The following CLSTN3 variants were observed in gnomAD, a reference collection of about 807,000 sequenced individuals.
CLSTN3 encodes the protein calsyntenin-3.
In CLSTN3, 36 loss-of-function variants were observed where a neutral mutation model predicts 95.9. The observed-to-expected ratio is 0.38, with a 90% CI of 0.29 to 0.50. The LOEUF (loss-of-function observed/expected upper bound fraction) is 0.50. Ranked by LOEUF, CLSTN3 falls within the 20% of genes least tolerant of loss-of-function variation. The probability of loss-of-function intolerance (pLI) is 0.95; values close to 1 mark genes in which losing one functional copy is unlikely to be tolerated. For missense variants in CLSTN3, 1,084 were observed against 1,268.8 expected, an observed-to-expected ratio of 0.85 and a Z score of 2.21; for synonymous variants, 481 against 504.0, an observed-to-expected ratio of 0.95 and a Z score of 0.61.
At chr12:7,146,929 G>A (rs1053980189) in intron 12 of CLSTN3, among the ~76,000 whole-genome samples, 2 of 152,148 alleles carry the variant, frequency 1.3e-5, no homozygotes, top group Non-Finnish European at 1.5e-5. Context: ...GCCCTGCTCC[G>A]TGTGGTACAG....
In CLSTN3 at chr12:7,146,947, G is replaced by A. The variant is rs755333090; in HGVS notation, c.1848-2025G>A. 2.0e-5 allele frequency among the ~76,000 whole-genome samples: 3 copies of A among 152,288 alleles called. No homozygotes were observed. In the East Asian group the frequency reaches 5.8e-4, roughly 29 times the overall value. On this transcript the variant is annotated intron_variant, in intron 12 of 17. Transcript: ENST00000266546. ...CTGCTCCGTGTGGTACAGGAACTCA[G>A]CACATCCCGGGCATTGGCAACTTCA...
Position 7,130,416 on chromosome 12 carries a change from C to G in CLSTN3, c.-233C>G. 1.4e-6 allele frequency: 2 copies of G among 1,445,728 alleles called. No individual in the cohort carries two copies. The highest frequency in any genetic ancestry group is 2.5e-5 in the East Asian group (1 of 39,544). 89.6% of individuals were successfully genotyped at this position (1,445,728 alleles called of 1,614,324 possible). A position where few individuals can be genotyped will look rare whatever the true frequency, so the allele number is the denominator to read the frequency against. On this transcript the variant is annotated 5_prime_UTR_variant, in exon 1 of 18. Coordinates refer to ENST00000266546, the MANE Select transcript of CLSTN3 (RefSeq NM_014718.4). The stretch of plus-strand genomic sequence containing the variant: ...GGGTGGGAGTGAGAGAGTGAGGACG[C>G]TGGGCTGGGGGAAACGGGAAGCCGC...
At chr12:7,142,772 T>C (rs1336565784) in intron 10 of CLSTN3, 97 bp from the exon 11 acceptor site, 1 of 1,010,314 alleles carries the variant, frequency 9.9e-7, no homozygotes, top group East Asian at 3.0e-5. Flanking sequence ...TTCTCAACTC[T>C]TCTGCTCTTT....
chr12:7,154,163 C>T (rs1939778263), intron 16 of CLSTN3, among the ~76,000 whole-genome samples: 2 of 152,226 alleles, frequency 1.3e-5, no homozygotes, highest in African/African-American at 4.8e-5. Context: ...AAAACCCTTT[C>T]CATATGCCTT....
rs766986566 is a variant in CLSTN3, at chr12:7,138,027, A to C, written c.1283A>C (p.Glu428Ala). 1.8e-4 allele frequency: 288 copies of C among 1,613,744 alleles called. 3 individuals are homozygous for C. In the South Asian group the frequency reaches 3.0e-3, roughly 17 times the overall value. The change falls in exon 8 of 18, where the codon GAG becomes GCG. Residue 428 changes from glutamate to alanine, a missense_variant. Transcript: ENST00000266546. ...GCCTTCCTCTACTGGCCCCTGCTTG[A>C]GAGTGCCCGCCCAGTCAAGTTCCTC... ...RIAFLYWPLL[E>A]SARPVKFLWK... is the part of the protein sequence containing the mutation.
rs781524045 is a variant in CLSTN3 at position 7,142,860 on chromosome 12, C to T, written c.1541-9C>T. 4 of 1,613,504 alleles carry T rather than the reference C, an allele frequency of 2.5e-6. No homozygotes were observed. In the African/African-American group the frequency reaches 4.0e-5, roughly 16 times the overall value. On this transcript the variant is annotated splice_polypyrimidine_tract_variant and intron_variant, in intron 10 of 17. Transcript: ENST00000266546. ...CACCTCCCGTCCTGCTCCTGTGTTC[C>T]TACCCTAGGAGACCCTTTGTCGATC... is the stretch of plus-strand genomic sequence containing the variant.
At chr12:7,144,785 A>G (rs1221713030) in intron 12 of CLSTN3, among the ~76,000 whole-genome samples, 1 of 152,092 alleles carries the variant, frequency 6.6e-6, no homozygotes, top group African/African-American at 2.4e-5. Context: ...TCTGAGCCCT[A>G]GAGGGTGACT....
Position 7,157,236 on chromosome 12 carries a change from T to C in CLSTN3, c.2528-253T>C, listed in dbSNP as rs1939833356. Among the ~76,000 whole-genome samples the C allele has an allele frequency of 6.6e-6, 1 of 152,176 alleles. No homozygotes were observed. The highest frequency in any genetic ancestry group is 2.1e-4 in the South Asian group (1 of 4,832). On this transcript the variant is annotated intron_variant, in intron 16 of 17. Coordinates refer to ENST00000266546, the MANE Select transcript of CLSTN3 (RefSeq NM_014718.4). This position sits in a 1 kb window ranked among gnomAD's most constrained non-coding sequence, Gnocchi z 5.9. ...CTTTTTCCTCCTCTGCCCTTGCCTC[T>C]CTGTACACCTGCCTCCCTCTGTGTT...
At chr12:7,143,101 C>G in intron 11 of CLSTN3, 62 bp from the exon 12 acceptor site, 1 of 1,598,454 alleles carries the variant, frequency 6.3e-7, no homozygotes, top group Non-Finnish European at 8.5e-7. Context: ...CCCTCTACCT[C>G]TGCTCCCTTC....
At position 7,136,951 on chromosome 12, in the gene CLSTN3, G is replaced by C; in HGVS notation, c.1051G>C (p.Ala351Pro). 6.2e-7 allele frequency: 1 copy of C among 1,614,192 alleles called. No homozygotes were observed. The highest frequency in any genetic ancestry group is 8.5e-7 in the Non-Finnish European group (1 of 1,180,024). Residue 351 changes from alanine to proline, a missense_variant, in exon 7 of 18, where the codon GCT becomes CCT. By Grantham distance (27) the Ala-to-Pro change is conservative (BLOSUM62 -1). Coordinates refer to ENST00000266546, the MANE Select transcript of CLSTN3 (RefSeq NM_014718.4). ...GATCTACTGGTTCAATGGCACCCAG[G>C]CTGTGCAGGTGCCCCTGGGTGGCCC... ...SLIYWFNGTQAVQVPLGGPSG... is the reference protein window; with the variant it reads ...SLIYWFNGTQPVQVPLGGPSG...
Position 7,133,728 on chromosome 12 carries a change from G to A in CLSTN3, c.343G>A (p.Gly115Ser). Residue 115 changes from glycine (G) to serine (S), a missense_variant, in exon 3 of 18, where the codon GGC (glycine) becomes AGC (serine). Coordinates refer to ENST00000266546, the MANE Select transcript of CLSTN3 (RefSeq NM_014718.4). The surrounding 1 kb of genome is among the most constrained non-coding windows in gnomAD (Gnocchi z 4.7). The stretch of plus-strand genomic sequence containing the variant: ...CTTCACCATCCAGGCCTATGACTGT[G>A]GCGAGGGCCCCGACGGGGCCAACAC... ...HTFTIQAYDC[G>S]EGPDGANTKK... The A allele has an allele frequency of 6.2e-7, 1 of 1,603,214 alleles. No individual in the cohort carries two copies. The highest frequency in any genetic ancestry group is 8.5e-7 in the Non-Finnish European group (1 of 1,176,228).
chr12:7,138,212 T>C, intron 8 of CLSTN3, 145 bp downstream of exon 8: 1 of 557,260 alleles, frequency 1.8e-6, no homozygotes, highest in Non-Finnish European at 3.2e-6. Context: ...ACCATTCTAC[T>C]CCCAGGTCCT....
chr12:7,148,096 C>A (rs1392148620), intron 12 of CLSTN3, among the ~76,000 whole-genome samples: 1 of 151,246 alleles, frequency 6.6e-6, no homozygotes, highest in Non-Finnish European at 1.5e-5. Flanking sequence ...GCAGAGGTTG[C>A]AGTGAGCCAA....
chr12:7,135,226 C>G, intron 3 of CLSTN3, 101 bp from the exon 4 acceptor site: 1 of 1,110,714 alleles, frequency 9.0e-7, no homozygotes, highest in Non-Finnish European at 1.3e-6. Flanking sequence ...TGTACCGTAT[C>G]GAGGCTGTAC....
At chr12:7,148,049 G>T (rs1378277898) in intron 12 of CLSTN3, among the ~76,000 whole-genome samples, 1 of 151,920 alleles carries the variant, frequency 6.6e-6, no homozygotes, top group Non-Finnish European at 1.5e-5. Flanking sequence ...CCAGCTACTT[G>T]GGAGGCTGAG....
chr12:7,131,487 T>A, intron 1 of CLSTN3: 1 of 269,442 alleles, frequency 3.7e-6, no homozygotes, highest in South Asian at 3.4e-5. Context: ...AAGGAGGGGA[T>A]GGAAAAGGGT....
chr12:7,146,318 T>C (rs1160026149), intron 12 of CLSTN3, among the ~76,000 whole-genome samples: 2 of 152,116 alleles, frequency 1.3e-5, no homozygotes, highest in Non-Finnish European at 2.9e-5. Flanking sequence ...GAGAATCACT[T>C]GAGCCCAGGA....
chr12:7,130,312 C>A (rs1939265167), upstream of CLSTN3: 2 of 463,720 alleles, frequency 4.3e-6, no homozygotes, highest in Non-Finnish European at 6.0e-6. Context: ...GTCCCCCCCC[C>A]TCCCAGTCAC....
rs1157460906 is a variant in CLSTN3 at position 7,130,466 on chromosome 12, C to T, written c.-183C>T. ...CTGCAAGTCCACCGCCTCAGCTACC[C>T]AGATTGGGATCTGCCCAGGCCCGCT... On this transcript the variant is annotated 5_prime_UTR_variant, in exon 1 of 18. Transcript: ENST00000266546. The T allele has an allele frequency of 6.7e-7, 1 of 1,487,700 alleles. No individual in the cohort carries two copies. Among genetic ancestry groups the T allele is most frequent in the Non-Finnish European group, 8.9e-7 (1 of 1,119,904 alleles). 92.2% of individuals were successfully genotyped at this position (1,487,700 alleles called of 1,614,324 possible). A position where few individuals can be genotyped will look rare whatever the true frequency, so the allele number is the denominator to read the frequency against.
Sources: gnomAD v4.1 joint callset for allele counts (sites outside exome capture counted in the v4.1 genomes callset) on GRCh38, gnomAD v4.1.1 for gene constraint, Gnocchi (gnomAD v3.1) non-coding constraint, MANE v1.5 for transcripts, NCBI Gene and HGNC (gene_info 2026-07-23, HGNC 2026-07-21) for gene names.